Variants in PTK2B observed in about 807,000 individuals in gnomAD.
PTK2B encodes the protein protein-tyrosine kinase 2-beta.
A neutral mutation model predicts 142.9 loss-of-function variants in PTK2B; 71 were observed. That is an observed-to-expected ratio of 0.50 (90% confidence interval 0.41 to 0.61). The LOEUF is 0.61. Among genes scored for constraint, PTK2B ranks in the 20% least tolerant of loss-of-function variants. PTK2B has a pLI of 0.00. For missense variants in PTK2B, 1,105 were observed against 1,320.4 expected (o/e 0.84, Z 2.53); for synonymous variants, 519 against 503.4 (o/e 1.03, Z -0.42).
chr8:27,450,508 G>C (rs41465447), intron 24 of PTK2B, among the ~76,000 whole-genome samples: 1 of 152,146 alleles, frequency 6.6e-6, no homozygotes, highest in Non-Finnish European at 1.5e-5. Context: ...TGAATACAGC[G>C]CACGTTGAGC....
chr8:27,436,796 C>T (rs1009812709), intron 15 of PTK2B, among the ~76,000 whole-genome samples: 60 of 152,138 alleles, frequency 3.9e-4, no homozygotes, highest in African/African-American at 1.4e-3. Context: ...GAGAAAGGCC[C>T]AGCCCCCAGG....
chr8:27,435,231 C>T (rs1333885057), intron 13 of PTK2B, among the ~76,000 whole-genome samples: 1 of 152,192 alleles, frequency 6.6e-6, no homozygotes, highest in Non-Finnish European at 1.5e-5. Flanking sequence ...ACTGTGGGCT[C>T]ACGTGATGAA....
intron 3 of PTK2B, among the ~76,000 whole-genome samples, chr8:27,318,208 CT>C (rs1204506195): frequency 3.3e-5 from 5 of 152,086 alleles, no homozygotes; most frequent in Non-Finnish European, 7.4e-5. Flanking sequence ...TCTAGAAGTT[CT>C]TCTTGTTCCT....
At chr8:27,353,577 A>G (rs1029783714) in intron 1 of PTK2B, among the ~76,000 whole-genome samples, 1 of 150,654 alleles carries the variant, frequency 6.6e-6, no homozygotes, top group African/African-American at 2.4e-5. Context: ...ACACACATTG[A>G]TCCTGTGGTC....
chr8:27,311,418 AG>A (rs1375213705), upstream of PTK2B: 1 of 748,490 alleles, frequency 1.3e-6, no homozygotes, highest in East Asian at 3.0e-5. Flanking sequence ...GGGCGCTCGG[AG>A]GAGCCCCACC....
chr8:27,341,883 C>A (rs1804423662), intron 1 of PTK2B, among the ~76,000 whole-genome samples: 1 of 152,086 alleles, frequency 6.6e-6, no homozygotes, highest in Admixed American at 6.6e-5. Context: ...GCTCTGTTGC[C>A]CAGGCTGGTC....
chr8:27,320,904 A>G (rs1333386811), upstream of PTK2B, among the ~76,000 whole-genome samples: 1 of 146,652 alleles, frequency 6.8e-6, no homozygotes, highest in Non-Finnish European at 1.5e-5. Context: ...TTTTCTGATG[A>G]CCAGCCCTCA....
At chr8:27,369,625 G>A (rs370800360) in intron 1 of PTK2B, among the ~76,000 whole-genome samples, 34 of 151,936 alleles carry the variant, frequency 2.2e-4, no homozygotes, top group East Asian at 1.9e-3. Context: ...AGCCGAGATC[G>A]TGCCACTGTA....
rs543736457 is a variant in PTK2B, at chr8:27,458,644, C to G, written c.*135C>G. On this transcript the variant is annotated 3_prime_UTR_variant, in exon 31 of 31. Transcript: ENST00000346049. Reference sequence around the variant, plus strand: ...CCTTCCCTTGCCACTTTGCACGACGCCCTCTCCCCACCCCTACCCCTGGCT... The same window carrying G: ...CCTTCCCTTGCCACTTTGCACGACGGCCTCTCCCCACCCCTACCCCTGGCT... The G allele has an allele frequency of 1.1e-6, 1 of 874,230 alleles. No individual in the cohort carries two copies. The highest frequency in any genetic ancestry group is 1.8e-6 in the Non-Finnish European group (1 of 567,240). 54.2% of individuals were successfully genotyped at this position (874,230 alleles called of 1,614,324 possible). A position where few individuals can be genotyped will look rare whatever the true frequency, so the allele number is the denominator to read the frequency against.
intron 1 of PTK2B, among the ~76,000 whole-genome samples, chr8:27,391,419 A>G (rs1287013802): frequency 6.6e-6 from 1 of 152,194 alleles, no homozygotes; most frequent in Non-Finnish European, 1.5e-5. Context: ...TTCAGTCCTC[A>G]AGACCATGCA....
rs893318693 is a variant in PTK2B, at chr8:27,434,573, T to C, written c.1192+14T>C. 13 of 1,597,460 alleles carry C rather than the reference T, an allele frequency of 8.1e-6. No individual in the cohort carries two copies. The highest frequency in any genetic ancestry group is 1.1e-5 in the Non-Finnish European group (13 of 1,171,966). ...GCTGCAGCATAGGTGAGCTGCCCGC[T>C]GCATCCTCCACCTGCTCCAGTTGCC... On this transcript the variant is annotated intron_variant, in intron 13 of 30. Transcript: ENST00000346049.
intron 1 of PTK2B, among the ~76,000 whole-genome samples, chr8:27,376,218 C>T (rs1019693339): frequency 1.3e-5 from 2 of 152,220 alleles, no homozygotes; most frequent in African/African-American, 4.8e-5. Flanking sequence ...TCAGGCCAGG[C>T]CAATCTGGGC....
At position 27,412,033 on chromosome 8, in the gene PTK2B, ACAGG is replaced by A. The variant is rs374413153; in HGVS notation, c.205-7861_205-7858del. ...AGAGGACAGGTCTGAGGGACCCCAA[ACAGG>A]AAGGTTTCATATCCTCACAAGGCTT... is the stretch of plus-strand genomic sequence containing the variant. On this transcript the variant is annotated intron_variant, in intron 2 of 30. Transcript: ENST00000346049. Among the ~76,000 whole-genome samples the A allele has an allele frequency of 1.9e-4, 29 of 152,338 alleles. No individual in the cohort carries two copies. The East Asian group carries it at 5.4e-3, about 28-fold the overall frequency.
intron 1 of PTK2B, among the ~76,000 whole-genome samples, chr8:27,390,343 C>A (rs17057079): frequency 0.021 from 3,219 of 152,180 alleles, 104 homozygotes; most frequent in African/African-American, 0.074. Context: ...TTTTAAAAGT[C>A]AGGTTTAAAG....
intron 4 of PTK2B, 55 bp downstream of exon 4, chr8:27,420,799 A>C: frequency 6.8e-7 from 1 of 1,467,878 alleles, no homozygotes; most frequent in Non-Finnish European, 9.5e-7. Context: ...TCAAATGCCA[A>C]GCATGAACCG....
rs140561123 is a variant in PTK2B at position 27,363,323 on chromosome 8, A to G, written c.-37-34225A>G. Among the ~76,000 whole-genome samples, 442 of 152,300 alleles carry G rather than the reference A, an allele frequency of 2.9e-3. 20 individuals are homozygous for G. In the East Asian group the frequency reaches 0.075, roughly 26 times the overall value. On this transcript the variant is annotated intron_variant, in intron 1 of 30. Transcript: ENST00000346049. This position sits in a 1 kb window ranked among gnomAD's most constrained non-coding sequence, Gnocchi z 4.3. The stretch of plus-strand genomic sequence containing the variant: ...TGGGAGAGCAGAGGAGCTGTTTTCC[A>G]CTAGTGAAAGGTCAGGAGGTGGAAG...
intron 2 of PTK2B, among the ~76,000 whole-genome samples, chr8:27,400,391 A>G (rs1015970587): frequency 3.9e-5 from 6 of 152,070 alleles, no homozygotes; most frequent in African/African-American, 1.2e-4. Context: ...TCTCTGGCCA[A>G]TCATTTAGGG....
At chr8:27,415,190 A>G (rs1311011031) in intron 2 of PTK2B, among the ~76,000 whole-genome samples, 2 of 152,182 alleles carry the variant, frequency 1.3e-5, no homozygotes, top group Admixed American at 6.5e-5. Flanking sequence ...TATTTTGTCC[A>G]TATTCTAGAT....
At chr8:27,346,729 C>T (rs1455158894) in intron 1 of PTK2B, among the ~76,000 whole-genome samples, 1 of 152,234 alleles carries the variant, frequency 6.6e-6, no homozygotes, top group East Asian at 1.9e-4. Context: ...AGCCCAAACT[C>T]CTCCTCATGG....
Sources: allele counts gnomAD v4.1 joint callset (sites outside exome capture counted in the v4.1 genomes callset), GRCh38; gene constraint gnomAD v4.1.1; non-coding constraint Gnocchi (gnomAD v3.1); transcripts MANE v1.5; gene names NCBI Gene and HGNC (gene_info 2026-07-23, HGNC 2026-07-21).